Variants in LRRTM4 observed in about 807,000 individuals in gnomAD.
LRRTM4 encodes leucine-rich repeat transmembrane neuronal protein 4.
Under a neutral mutation model 47.6 loss-of-function variants are expected in LRRTM4, and 25 were observed. That is an observed-to-expected ratio of 0.53 (90% CI 0.38 to 0.73). The LOEUF (loss-of-function observed/expected upper bound fraction) is 0.73, where lower values mean the gene tolerates loss of function less well. LRRTM4 is among the 30% of genes least tolerant of loss of function. The probability of loss-of-function intolerance (pLI) is 0.00; values close to 1 mark genes in which losing one functional copy is unlikely to be tolerated. For synonymous variants in LRRTM4, 311 were observed against 269.5 expected, an observed-to-expected ratio of 1.15 and a Z score of -1.51; for missense variants, 638 against 713.4, an observed-to-expected ratio of 0.89 and a Z score of 1.20.
intron 3 of LRRTM4, among the ~76,000 whole-genome samples, chr2:77,242,029 G>T (rs1675282578): frequency 6.6e-6 from 1 of 151,974 alleles, no homozygotes; most frequent in Admixed American, 6.6e-5. Flanking sequence ...ACACTGTTTT[G>T]ATTGCTATAA....
chr2:77,200,440 C>T (rs755045436), intron 3 of LRRTM4, among the ~76,000 whole-genome samples: 22 of 151,986 alleles, frequency 1.4e-4, no homozygotes, highest in Non-Finnish European at 1.2e-4. Flanking sequence ...CATATATATG[C>T]ATACATATGT....
At chr2:76,886,922 A>G (rs1280347521) in intron 3 of LRRTM4, among the ~76,000 whole-genome samples, 1 of 151,996 alleles carries the variant, frequency 6.6e-6, no homozygotes, top group Non-Finnish European at 1.5e-5. Context: ...AACCAAAACT[A>G]ATCCATAGTT....
At chr2:76,972,909 T>G (rs1368236070) in intron 3 of LRRTM4, among the ~76,000 whole-genome samples, 2 of 151,992 alleles carry the variant, frequency 1.3e-5, no homozygotes, top group Non-Finnish European at 1.5e-5. Context: ...ACAAAAAAGG[T>G]TGTTAACTCA....
At chr2:76,797,728 G>T (rs570482352) in intron 3 of LRRTM4, among the ~76,000 whole-genome samples, 1 of 151,230 alleles carries the variant, frequency 6.6e-6, no homozygotes, top group South Asian at 2.1e-4. Context: ...CCCATCTCAC[G>T]TGCAGAGACA....
intron 3 of LRRTM4, among the ~76,000 whole-genome samples, chr2:77,135,868 T>G (rs1314576773): frequency 1.3e-5 from 2 of 152,062 alleles, no homozygotes; most frequent in Non-Finnish European, 2.9e-5. Flanking sequence ...AATGAATAAA[T>G]AAATAAATTT....
intron 3 of LRRTM4, among the ~76,000 whole-genome samples, chr2:76,757,443 T>C (rs1230011973): frequency 6.6e-6 from 1 of 152,112 alleles, no homozygotes; most frequent in Non-Finnish European, 1.5e-5. Context: ...AATGAGGTAC[T>C]AGCCATCTTT....
Position 76,762,038 on chromosome 2 carries a change from C to T in LRRTM4, c.1552-13122G>A, listed in dbSNP as rs565165486. On this transcript the variant is annotated intron_variant, in intron 3 of 3. Coordinates refer to ENST00000409884, the MANE Select transcript of LRRTM4 (RefSeq NM_001134745.3). Reference sequence around the variant, plus strand: ...CAGAGAATAGCTTGCAAAAGCTGTTCTCAAATCGTCCACTCACTCACCCCC... The same window carrying T: ...CAGAGAATAGCTTGCAAAAGCTGTTTTCAAATCGTCCACTCACTCACCCCC... Among the ~76,000 whole-genome samples, 6 of 152,268 alleles carry T rather than the reference C, an allele frequency of 3.9e-5. No individual in the cohort carries two copies. In the South Asian group the frequency reaches 1.2e-3, roughly 32 times the overall value.
At chr2:76,945,830 TAACAA>T (rs1675305720) in intron 3 of LRRTM4, among the ~76,000 whole-genome samples, 1 of 151,916 alleles carries the variant, frequency 6.6e-6, no homozygotes, top group African/African-American at 2.4e-5. Context: ...TTTGTAATCA[TAACAA>T]AACTGGTTTA....
chr2:77,099,124 T>A (rs1670884508), intron 3 of LRRTM4, among the ~76,000 whole-genome samples: 1 of 151,920 alleles, frequency 6.6e-6, no homozygotes, highest in African/African-American at 2.4e-5. Flanking sequence ...TATAGAAATT[T>A]TGCTCAAGGA....
intron 3 of LRRTM4, among the ~76,000 whole-genome samples, chr2:77,058,873 G>T (rs539207223): frequency 1.3e-5 from 2 of 152,158 alleles, no homozygotes; most frequent in East Asian, 3.9e-4. Context: ...TAGTTCCTTT[G>T]AATCTTAAGA....
At position 76,828,211 on chromosome 2, in the gene LRRTM4, G is replaced by A. The variant is rs150204330; in HGVS notation, c.1552-79295C>T. Among the ~76,000 whole-genome samples the A allele has an allele frequency of 2.5e-3, 383 of 152,028 alleles. 2 individuals are homozygous for A. Among genetic ancestry groups the A allele is most frequent in the African/African-American group, 8.8e-3 (365 of 41,522 alleles). On this transcript the variant is annotated intron_variant, in intron 3 of 3. Coordinates refer to ENST00000409884, the MANE Select transcript of LRRTM4 (RefSeq NM_001134745.3). ...GATTGCCTGATTGCCTAAGCATGCC[G>A]TTTAGGGCACTACTGGGTTCTCTAA...
At chr2:76,948,732 T>C (rs10520174) in intron 3 of LRRTM4, among the ~76,000 whole-genome samples, 20,685 of 151,812 alleles carry the variant, frequency 0.14, 1,747 homozygotes, top group Admixed American at 0.21. Flanking sequence ...GAAGTAATAA[T>C]GATTTGCCAC....
chr2:77,236,204 T>C (rs1675099759), intron 3 of LRRTM4, among the ~76,000 whole-genome samples: 1 of 152,060 alleles, frequency 6.6e-6, no homozygotes, highest in Non-Finnish European at 1.5e-5. Context: ...TTTAACAGTG[T>C]TTTGTTTTTC....
intron 3 of LRRTM4, among the ~76,000 whole-genome samples, chr2:77,273,115 T>C (rs983391209): frequency 6.6e-6 from 1 of 152,162 alleles, no homozygotes; most frequent in Non-Finnish European, 1.5e-5. Flanking sequence ...AATTTCCAAG[T>C]CTATTTGGGA....
chr2:76,795,811 A>G (rs1391665849), intron 3 of LRRTM4, among the ~76,000 whole-genome samples: 1 of 152,034 alleles, frequency 6.6e-6, no homozygotes, highest in Non-Finnish European at 1.5e-5. Flanking sequence ...TGAAGGGAGG[A>G]GCCAAGATGG....
At chr2:77,453,811 T>C (rs1261847619) in intron 3 of LRRTM4, among the ~76,000 whole-genome samples, 1 of 152,204 alleles carries the variant, frequency 6.6e-6, no homozygotes, top group East Asian at 1.9e-4. Context: ...ACATTTATTT[T>C]GATAGCCTTT....
chr2:76,873,474 A>G lies in LRRTM4; in HGVS notation c.1552-124558T>C, dbSNP rs867817579. Among the ~76,000 whole-genome samples, 557 of 118,904 alleles carry G rather than the reference A, an allele frequency of 4.7e-3. 2 individuals carry two copies. The highest frequency in any genetic ancestry group is 0.018 in the African/African-American group (525 of 29,184). 78.0% of individuals were successfully genotyped at this position (118,904 alleles called of 152,430 possible). A position where few individuals can be genotyped will look rare whatever the true frequency, so the allele number is the denominator to read the frequency against. On this transcript the variant is annotated intron_variant, in intron 3 of 3. Transcript: ENST00000409884. ...ATATATATATAACGTGTGTGTGTGT[A>G]TATATATATGTGTGTGTGTATATAT...
chr2:77,081,247 A>AACACACACACACACACACAC (rs58897041), intron 3 of LRRTM4, among the ~76,000 whole-genome samples: 1 of 139,906 alleles, frequency 7.1e-6, no homozygotes, highest in Non-Finnish European at 1.6e-5. Context: ...ACCTGACAGC[A>AACACACACACACACACACAC]ACACACACAC....
chr2:77,517,038 A>C (rs1483962479), intron 3 of LRRTM4: 1 of 984,764 alleles, frequency 1.0e-6, no homozygotes, highest in Non-Finnish European at 1.2e-6. Context: ...CTAAAACATT[A>C]TATTGCCAGA....
Sources: allele counts gnomAD v4.1 joint callset (sites outside exome capture counted in the v4.1 genomes callset), GRCh38; gene constraint gnomAD v4.1.1; transcripts MANE v1.5; gene names NCBI Gene and HGNC (gene_info 2026-07-23, HGNC 2026-07-21).